The following CRY2 variants were observed in gnomAD, a reference collection of about 807,000 sequenced individuals.
The protein encoded by CRY2 is cryptochrome circadian regulator 2, also known as cryptochrome-2.
CRY2 carries 31 observed loss-of-function variants against 69.5 expected under a neutral mutation model. The ratio of observed to expected loss-of-function variants is 0.45; its 90% CI spans 0.34 to 0.60. CRY2 has a LOEUF of 0.60. CRY2 is among the 20% of genes least tolerant of loss of function. CRY2 has a pLI of 0.02. For synonymous variants in CRY2, 303 were observed against 312.2 expected (o/e 0.97, Z 0.31); for missense variants, 606 against 797.8 (o/e 0.76, Z 2.90).
chr11:45,880,358 A>G (rs920222146), intron 11 of CRY2, among the ~76,000 whole-genome samples: 2 of 152,168 alleles, frequency 1.3e-5, no homozygotes, highest in African/African-American at 4.8e-5. Flanking sequence ...AATCTTTAAA[A>G]TGAGTCATCC....
In CRY2 at chr11:45,882,585, C is replaced by T. The variant is rs2086484229; in HGVS notation, c.*1674C>T. The T allele has an allele frequency of 2.5e-6, 1 of 399,104 alleles. No homozygotes were observed. The highest frequency in any genetic ancestry group is 4.4e-6 in the Non-Finnish European group (1 of 226,098). 24.7% of individuals were successfully genotyped at this position (399,104 alleles called of 1,614,324 possible). A position where few individuals can be genotyped will look rare whatever the true frequency, so the allele number is the denominator to read the frequency against. On this transcript the variant is annotated 3_prime_UTR_variant, in exon 12 of 12. Transcript: ENST00000616080. ...CTGCCTTTAGAGTCCAACTGTTGTA[C>T]GTATGTCACCTTCACTAGAAATGTC... is the stretch of plus-strand genomic sequence containing the variant.
At chr11:45,869,335 T>G (rs907268093) in intron 6 of CRY2, among the ~76,000 whole-genome samples, 171 bp from the exon 7 acceptor site, 2 of 152,218 alleles carry the variant, frequency 1.3e-5, no homozygotes, top group Non-Finnish European at 2.9e-5. Context: ...AGGGCCTGGG[T>G]GTTTCACATG....
rs558790097 is a variant in CRY2, at chr11:45,872,413, G to A, written c.*2+180G>A. Among the ~76,000 whole-genome samples the A allele has an allele frequency of 2.0e-5, 3 of 152,068 alleles. No individual in the cohort carries two copies. In the East Asian group the frequency reaches 5.8e-4, roughly 29 times the overall value. ...GGCAGCCGGGTTCCATCCTGGCTTAGGGAATGAGTACTTTCTGGTTGATAT... is the reference window on the plus strand; with the variant it reads ...GGCAGCCGGGTTCCATCCTGGCTTAAGGAATGAGTACTTTCTGGTTGATAT... On this transcript the variant is annotated intron_variant, in intron 11 of 11. Transcript: ENST00000616080.
chr11:45,862,013 A>C, intron 4 of CRY2, 47 bp from the exon 5 acceptor site: 1 of 1,534,304 alleles, frequency 6.5e-7, no homozygotes, highest in Non-Finnish European at 9.0e-7. Context: ...CCGGGCTATC[A>C]CTGAAATGGT....
At chr11:45,861,983 C>A in intron 4 of CRY2, 77 bp from the exon 5 acceptor site, 1 of 1,259,730 alleles carries the variant, frequency 7.9e-7, no homozygotes, top group South Asian at 1.3e-5. Context: ...TCATAAAGTT[C>A]AAATAACAGA....
Position 45,870,501 on chromosome 11 carries a change from T to C in CRY2, c.1518T>C (p.Ile506=). The stretch of plus-strand genomic sequence containing the variant: ...TTAACATTGAACGAATGAAGCAGAT[T>C]TACCAGCAGCTTTCGCGCTACCGGG... ...SRLNIERMKQ[I]YQQLSRYRGL... Residue 506 remains isoleucine (I), a synonymous_variant, in exon 9 of 12, where the codon ATT becomes ATC. Coordinates refer to ENST00000616080, the MANE Select transcript of CRY2 (RefSeq NM_021117.5). 1 of 1,614,102 alleles carries C rather than the reference T, an allele frequency of 6.2e-7. No individual in the cohort carries two copies. Among genetic ancestry groups the C allele is most frequent in the Non-Finnish European group, 8.5e-7 (1 of 1,180,022 alleles).
Position 45,847,521 on chromosome 11 carries a change from G to T in CRY2, c.31G>T (p.Val11Leu). Residue 11 changes from valine (V) to leucine (L), a missense_variant, in exon 1 of 12, where the codon GTG becomes TTG. This residue lies in a region of CRY2 where 45 missense variants were observed against 35.7 expected (regional missense o/e 1.26). Transcript: ENST00000616080. MAATVATAAA[V>L]APAPAPGTDS... The stretch of plus-strand genomic sequence containing the variant: ...GGCGACTGTGGCGACGGCGGCAGCT[G>T]TGGCCCCGGCGCCAGCGCCCGGCAC... 1 of 1,589,192 alleles carries T rather than the reference G, an allele frequency of 6.3e-7. No homozygotes were observed.
rs757332356 is a variant in CRY2 at position 45,870,046 on chromosome 11, T to G, written c.1195-7T>G. The G allele has an allele frequency of 6.3e-7, 1 of 1,590,928 alleles. No homozygotes were observed. The highest frequency in any genetic ancestry group is 8.6e-7 in the Non-Finnish European group (1 of 1,166,792). ...CAAGGAGGCTGATCATCCCCTCCCCTATCTAGGTATTTGATGAGCTGCTCC... is the reference window on the plus strand; with the variant it reads ...CAAGGAGGCTGATCATCCCCTCCCCGATCTAGGTATTTGATGAGCTGCTCC... On this transcript the variant is annotated splice_polypyrimidine_tract_variant and splice_region_variant and intron_variant, in intron 7 of 11. Transcript: ENST00000616080.
At position 45,866,469 on chromosome 11, in the gene CRY2, G is replaced by T. The variant is rs141878377; in HGVS notation, c.742-1143G>T. ...GAGATGTGGAGTCACAGAGGCCAAGGAATCAAGAGGATAAGACAGCACAGT... is the reference window on the plus strand; with the variant it reads ...GAGATGTGGAGTCACAGAGGCCAAGTAATCAAGAGGATAAGACAGCACAGT... On this transcript the variant is annotated intron_variant, in intron 5 of 11. Transcript: ENST00000616080. 6.1e-4 allele frequency among the ~76,000 whole-genome samples: 93 copies of T among 152,316 alleles called. 1 individual carries two copies. The highest frequency in any genetic ancestry group is 1.0e-3 in the Non-Finnish European group (71 of 68,036).
At chr11:45,867,320 T>C in intron 5 of CRY2, 1 of 375,684 alleles carries the variant, frequency 2.7e-6, no homozygotes, top group South Asian at 5.5e-5. Context: ...CTCATTTTAA[T>C]CCACAGAAGA....
At chr11:45,855,708 A>G (rs1054063783) in intron 1 of CRY2, among the ~76,000 whole-genome samples, 5 of 152,232 alleles carry the variant, frequency 3.3e-5, no homozygotes, top group Non-Finnish European at 7.3e-5. Context: ...GGGTACTAAC[A>G]TCAGCTTCAC....
intron 3 of CRY2, among the ~76,000 whole-genome samples, chr11:45,860,246 T>C (rs1421181328): frequency 6.6e-6 from 1 of 152,166 alleles, no homozygotes; most frequent in Non-Finnish European, 1.5e-5. Flanking sequence ...GTTGTGGCTA[T>C]GAACTCTAGC....
At chr11:45,867,173 C>T (rs1223028185) in intron 5 of CRY2, among the ~76,000 whole-genome samples, 1 of 152,110 alleles carries the variant, frequency 6.6e-6, no homozygotes, top group Non-Finnish European at 1.5e-5. Context: ...ATGCGAAGTC[C>T]CTGGTGTCTG....
chr11:45,871,969 C>A, intron 10 of CRY2, 123 bp from the exon 11 acceptor site: 1 of 1,356,948 alleles, frequency 7.4e-7, no homozygotes, highest in Non-Finnish European at 1.0e-6. Context: ...GTCTGAGGAG[C>A]AGCATGCTGG....
intron 1 of CRY2, among the ~76,000 whole-genome samples, chr11:45,851,358 TC>T (rs1380805237): frequency 7.9e-5 from 12 of 152,196 alleles, no homozygotes; most frequent in Non-Finnish European, 1.5e-5. Flanking sequence ...TCAGCCCATT[TC>T]TCTTAGAATT....
intron 3 of CRY2, among the ~76,000 whole-genome samples, chr11:45,860,511 G>A (rs1319727396): frequency 6.6e-6 from 1 of 152,120 alleles, no homozygotes; most frequent in African/African-American, 2.4e-5. Flanking sequence ...TGCCAAGCAG[G>A]CTAGTAGGGA....
chr11:45,858,568 A>T (rs1356947016), intron 2 of CRY2, among the ~76,000 whole-genome samples, 163 bp from the exon 3 acceptor site: 3 of 152,156 alleles, frequency 2.0e-5, no homozygotes, highest in African/African-American at 7.2e-5. Flanking sequence ...TCTGAACCTC[A>T]GCTTGTTTGC....
At chr11:45,868,838 G>A (rs1201741185) in intron 6 of CRY2, among the ~76,000 whole-genome samples, 1 of 151,634 alleles carries the variant, frequency 6.6e-6, no homozygotes, top group African/African-American at 2.4e-5. Flanking sequence ...GTTTTTCCAT[G>A]TTGCCCAGGC....
chr11:45,867,098 T>C (rs1015042918), intron 5 of CRY2, among the ~76,000 whole-genome samples: 4 of 152,160 alleles, frequency 2.6e-5, no homozygotes, highest in Admixed American at 1.3e-4. Flanking sequence ...CAGAAATGAA[T>C]GATTCCATTG....
Sources: allele counts gnomAD v4.1 joint callset (sites outside exome capture counted in the v4.1 genomes callset), GRCh38; gene constraint gnomAD v4.1.1; regional missense constraint gnomAD v4.1.1; transcripts MANE v1.5; gene names NCBI Gene and HGNC (gene_info 2026-07-23, HGNC 2026-07-21).